CYTL1: variants seen among roughly 807,000 people sequenced by gnomAD.
The protein encoded by CYTL1 is cytokine-like protein 1.
CYTL1 carries 17 observed loss-of-function variants against 13.1 expected under a neutral mutation model. That is an observed-to-expected ratio of 1.29 (90% confidence interval 0.89 to 1.94). CYTL1 has a LOEUF of 1.94. Among genes scored for constraint, CYTL1 ranks in the 30% most tolerant of loss-of-function variants. The pLI is 0.00. For synonymous variants in CYTL1, 91 were observed against 79.4 expected, an observed-to-expected ratio of 1.15 and a Z score of -0.78; for missense variants, 213 against 174.8, an observed-to-expected ratio of 1.22 and a Z score of -1.23.
At chr4:5,016,206 G>T (rs1354021905) in intron 3 of CYTL1, among the ~76,000 whole-genome samples, 1 of 152,196 alleles carries the variant, frequency 6.6e-6, no homozygotes, top group African/African-American at 2.4e-5. Context: ...ATGGTATGAT[G>T]CAGCAAGAAG....
chr4:5,018,893 C>T (rs902569811), intron 1 of CYTL1, among the ~76,000 whole-genome samples: 1 of 152,156 alleles, frequency 6.6e-6, no homozygotes, highest in East Asian at 1.9e-4. Context: ...AGGGCACACT[C>T]CTCACTAGGC....
At chr4:5,018,719 T>C (rs28584176) in intron 1 of CYTL1, among the ~76,000 whole-genome samples, 23,532 of 152,206 alleles carry the variant, frequency 0.15, 1,947 homozygotes, top group Middle Eastern at 0.23. Context: ...CTGTGAGCCC[T>C]GCCTGTGTTC....
chr4:5,019,348 G>A lies in CYTL1; in HGVS notation c.98C>T (p.Ala33Val). Residue 33 changes from alanine (A) to valine (V), a missense_variant, in exon 1 of 4, where the codon GCC becomes GTC. Ala to Val is a moderately conservative substitution (Grantham distance 64). Coordinates refer to ENST00000307746, the MANE Select transcript of CYTL1 (RefSeq NM_018659.3). ...TPPTCYSRMR[A>V]LSQEITRDFN... Reference sequence around the variant, plus strand: ...GTCGCGGGTGATCTCCTGGCTCAGGGCCCGCATGCGGGAGTAGCAGGTCGG... The same window carrying A: ...GTCGCGGGTGATCTCCTGGCTCAGGACCCGCATGCGGGAGTAGCAGGTCGG... The A allele has an allele frequency of 2.0e-6, 3 of 1,515,210 alleles. No individual in the cohort carries two copies. The highest frequency in any genetic ancestry group is 2.6e-6 in the Non-Finnish European group (3 of 1,139,176). 93.9% of individuals were successfully genotyped at this position (1,515,210 alleles called of 1,614,324 possible). A position where few individuals can be genotyped will look rare whatever the true frequency, so the allele number is the denominator to read the frequency against.
intron 3 of CYTL1, among the ~76,000 whole-genome samples, chr4:5,016,010 A>T (rs1741064882): frequency 1.3e-5 from 2 of 152,362 alleles, no homozygotes; most frequent in South Asian, 4.1e-4. Context: ...TGGAAACTTA[A>T]TCCCTCTGCC....
chr4:5,017,034 A>G, intron 2 of CYTL1, 70 bp from the exon 3 acceptor site: 10 of 1,607,940 alleles, frequency 6.2e-6, no homozygotes, highest in East Asian at 2.2e-5. Flanking sequence ...ACTGAGCTGC[A>G]TAAGATCTCT....
chr4:5,019,240 T>G (rs1577596977), intron 1 of CYTL1, 53 bp downstream of exon 1: 2 of 1,352,326 alleles, frequency 1.5e-6, no homozygotes, highest in South Asian at 2.3e-5. Flanking sequence ...AAGGCAAGGG[T>G]TTAAGAACTG....
In CYTL1 at chr4:5,017,288, C is replaced by T. The variant is rs2108733640; in HGVS notation, c.154-109G>A. Reference sequence around the variant, plus strand: ...CAGACCAGCCCAGATCCCTGGGGCCCTCCCTGATGCTACGACATGCACAGT... The same window carrying T: ...CAGACCAGCCCAGATCCCTGGGGCCTTCCCTGATGCTACGACATGCACAGT... On this transcript the variant is annotated intron_variant, in intron 1 of 3. Transcript: ENST00000307746. 7 of 969,304 alleles carry T rather than the reference C, an allele frequency of 7.2e-6. No individual in the cohort carries two copies. In the South Asian group the frequency reaches 1.1e-4, roughly 16 times the overall value. 60.0% of individuals were successfully genotyped at this position (969,304 alleles called of 1,614,324 possible).
chr4:5,016,199 G>T (rs1329705381), intron 3 of CYTL1, among the ~76,000 whole-genome samples: 1 of 152,198 alleles, frequency 6.6e-6, no homozygotes, highest in African/African-American at 2.4e-5. Context: ...CTCTGCCATG[G>T]TATGATGCAG....
rs11724788 is a variant in CYTL1 at position 5,016,975 on chromosome 4, G to A, written c.199-11C>T. On this transcript the variant is annotated splice_polypyrimidine_tract_variant and intron_variant, in intron 2 of 3. Transcript: ENST00000307746. ...CAGCACACAGTAATTCTGGGAGTGG[G>A]CAATGGGGAGGGGGCTTGTGGGAGA... 0.74 allele frequency: 1,198,099 copies of A among 1,613,776 alleles called. 453,532 individuals are homozygous for A. The highest frequency in any genetic ancestry group is 0.96 in the East Asian group (43,257 of 44,874).
At position 5,019,308 on chromosome 4, in the gene CYTL1, C is replaced by T. The variant is rs769419517; in HGVS notation, c.138G>A (p.Gln46=). The change falls in exon 1 of 4, where the codon CAG becomes CAA. Residue 46 remains glutamine, a synonymous_variant. Transcript: ENST00000307746. ...GGGGACTCACCGAGGGCTCCGAGAC[C>T]TGCAGGAGGTTGAAGTCGCGGGTGA... The part of the protein sequence containing the change: ...QEITRDFNLL[Q]VSEPSEPCVR... 6.6e-7 allele frequency: 1 copy of T among 1,506,542 alleles called. No individual in the cohort carries two copies. Among genetic ancestry groups the T allele is most frequent in the South Asian group, 1.3e-5 (1 of 76,804 alleles). The allele number at this position is 1,506,542 out of a possible 1,614,324, so 93.3% of individuals were successfully genotyped here.
At chr4:5,017,779 T>C (rs1741107753) in intron 1 of CYTL1, among the ~76,000 whole-genome samples, 1 of 152,170 alleles carries the variant, frequency 6.6e-6, no homozygotes, top group South Asian at 2.1e-4. Flanking sequence ...TAGTTGTATA[T>C]AGTGTATAAT....
At chr4:5,016,461 T>C (rs1464232536) in intron 3 of CYTL1, among the ~76,000 whole-genome samples, 3 of 152,178 alleles carry the variant, frequency 2.0e-5, no homozygotes, top group Non-Finnish European at 4.4e-5. Flanking sequence ...TTTTAACTAT[T>C]GCTGATTTTC....
intron 1 of CYTL1, among the ~76,000 whole-genome samples, chr4:5,018,488 T>C (rs1028902323): frequency 6.6e-6 from 1 of 152,264 alleles, no homozygotes; most frequent in Non-Finnish European, 1.5e-5. Context: ...TATGTTTTGT[T>C]TGAAGCATTT....
chr4:5,019,003 C>CTTTTTTTTTTTTTTT (rs1186542271), intron 1 of CYTL1, among the ~76,000 whole-genome samples: 110 of 89,592 alleles, frequency 1.2e-3, no homozygotes, highest in African/African-American at 1.4e-3. Context: ...TTTCTTTTTT[C>CTTTTTTTTTTTTTTT]TTTTTTTTTT....
At position 5,017,132 on chromosome 4, in the gene CYTL1, T is replaced by G; in HGVS notation, c.198+3A>C. 1 of 1,613,858 alleles carries G rather than the reference T, an allele frequency of 6.2e-7. No individual in the cohort carries two copies. The highest frequency in any genetic ancestry group is 8.5e-7 in the Non-Finnish European group (1 of 1,179,870). On this transcript the variant is annotated splice_donor_region_variant and intron_variant, in intron 2 of 3. Coordinates refer to ENST00000307746, the MANE Select transcript of CYTL1 (RefSeq NM_018659.3). ...CTCCCTCCCCCAGGGAGAACCCTCT[T>G]ACGTGTATGTCCAGGTACAGCCTGG... is the stretch of plus-strand genomic sequence containing the variant.
chr4:5,019,159 C>G (rs919574452), intron 1 of CYTL1, 134 bp downstream of exon 1: 1 of 801,018 alleles, frequency 1.2e-6, no homozygotes, highest in Non-Finnish European at 1.7e-6. Flanking sequence ...AACACAAATA[C>G]TCCTGAGATT....
chr4:5,015,601 T>A (rs79012688), intron 3 of CYTL1, among the ~76,000 whole-genome samples: 311 of 152,242 alleles, frequency 2.0e-3, no homozygotes, highest in African/African-American at 5.8e-3. Context: ...CAATACCACT[T>A]CTCATCACAC....
In CYTL1 at chr4:5,014,599, G is replaced by A. The variant is rs919339391; in HGVS notation, c.*552C>T. On this transcript the variant is annotated 3_prime_UTR_variant, in exon 4 of 4. Coordinates refer to ENST00000307746, the MANE Select transcript of CYTL1 (RefSeq NM_018659.3). ...ACAGGACACGTGTTTCTCATGTGAA[G>A]AGATTCTTTATTTGATTTTCATCAC... The A allele has an allele frequency of 6.3e-6, 1 of 157,730 alleles. No homozygotes were observed. Among genetic ancestry groups the A allele is most frequent in the Non-Finnish European group, 1.4e-5 (1 of 72,418 alleles). 9.8% of individuals were successfully genotyped at this position (157,730 alleles called of 1,614,324 possible).
Position 5,016,870 on chromosome 4 carries a change from T to G in CYTL1, c.293A>C (p.Lys98Thr). Residue 98 changes from lysine (K) to threonine (T), a missense_variant, in exon 3 of 4, where the codon AAG becomes ACG. Coordinates refer to ENST00000307746, the MANE Select transcript of CYTL1 (RefSeq NM_018659.3). Reference sequence around the variant, plus strand: ...GAACGAGTTCATGATGGTGTACAGCTTCCGTGCTTTGTCCTTCAAGGAATC... The same window carrying G: ...GAACGAGTTCATGATGGTGTACAGCGTCCGTGCTTTGTCCTTCAAGGAATC... ...QVDSLKDKAR[K>T]LYTIMNSFCR... 6.2e-7 allele frequency: 1 copy of G among 1,614,216 alleles called. No individual in the cohort carries two copies. Among genetic ancestry groups the G allele is most frequent in the Non-Finnish European group, 8.5e-7 (1 of 1,180,036 alleles).
Sources: gnomAD v4.1 joint callset for allele counts (sites outside exome capture counted in the v4.1 genomes callset) on GRCh38, gnomAD v4.1.1 for gene constraint, MANE v1.5 for transcripts, NCBI Gene and HGNC (gene_info 2026-07-23, HGNC 2026-07-21) for gene names.